Variants in CD86 observed in about 807,000 individuals in gnomAD.
The protein encoded by CD86 is T-lymphocyte activation antigen CD86.
A neutral mutation model predicts 32.1 loss-of-function variants in CD86; 11 were observed. The observed-to-expected ratio is 0.34, with a 90% CI of 0.22 to 0.57. The LOEUF is 0.57. Among genes scored for constraint, CD86 ranks in the 20% least tolerant of loss-of-function variants. The probability of loss-of-function intolerance (pLI) is 0.86; values close to 1 mark genes in which losing one functional copy is unlikely to be tolerated. For synonymous variants in CD86, 137 were observed against 135.3 expected (o/e 1.01, Z -0.09); for missense variants, 359 against 398.4 (o/e 0.90, Z 0.84).
At chr3:122,056,614 G>A (rs982628482) in intron 1 of CD86, among the ~76,000 whole-genome samples, 4 of 152,130 alleles carry the variant, frequency 2.6e-5, no homozygotes, top group African/African-American at 9.7e-5. Context: ...TTACAGGCGT[G>A]AGCCACCGCG....
rs562842278 is a variant in CD86 at position 122,065,833 on chromosome 3, G to C, written c.14+10330G>C. Among the ~76,000 whole-genome samples the C allele has an allele frequency of 2.0e-5, 3 of 152,114 alleles. No homozygotes were observed. In the East Asian group the frequency reaches 5.8e-4, roughly 29 times the overall value. The stretch of plus-strand genomic sequence containing the variant: ...TGCATTCTGCTCTCCAAGATCTCTG[G>C]GTGTTGGAAGAAACTGAATTGGGGG... On this transcript the variant is annotated intron_variant, in intron 1 of 6. Transcript: ENST00000330540.
chr3:122,104,729 T>C (rs1446898481), intron 3 of CD86, among the ~76,000 whole-genome samples: 1 of 152,208 alleles, frequency 6.6e-6, no homozygotes, highest in Admixed American at 6.5e-5. Flanking sequence ...CTTCTTTCGT[T>C]TAGCGCGCCT....
intron 1 of CD86, among the ~76,000 whole-genome samples, chr3:122,062,915 T>C (rs973805728): frequency 2.6e-5 from 4 of 152,212 alleles, no homozygotes; most frequent in African/African-American, 9.6e-5. Context: ...CCTTTTCTGA[T>C]TGATTTCCAG....
At chr3:122,118,739 A>G (rs2073295571) in intron 6 of CD86, among the ~76,000 whole-genome samples, 1 of 152,272 alleles carries the variant, frequency 6.6e-6, no homozygotes, top group South Asian at 2.1e-4. Context: ...AGCAGAGACC[A>G]TACCAGTTAA....
Position 122,119,727 on chromosome 3 carries a change from A to G in CD86, c.*193A>G. ...GCTCCGTATGCCAAGAGGAGACTTT[A>G]ATTCTCTTACTGCTTCTTTTCACTT... On this transcript the variant is annotated 3_prime_UTR_variant, in exon 7 of 7. Transcript: ENST00000330540. The G allele has an allele frequency of 1.9e-6, 1 of 538,580 alleles. No homozygotes were observed. Among genetic ancestry groups the G allele is most frequent in the Non-Finnish European group, 3.3e-6 (1 of 305,960 alleles). 33.4% of individuals were successfully genotyped at this position (538,580 alleles called of 1,614,324 possible).
At chr3:122,093,312 G>A (rs191822811) in intron 2 of CD86, among the ~76,000 whole-genome samples, 92 of 152,146 alleles carry the variant, frequency 6.0e-4, no homozygotes, top group Admixed American at 1.8e-3. Context: ...ATGAGCCATC[G>A]CACATGACTT....
intron 1 of CD86, among the ~76,000 whole-genome samples, chr3:122,090,613 A>G (rs2072800792): frequency 1.3e-5 from 2 of 148,454 alleles, no homozygotes; most frequent in Admixed American, 1.3e-4. Context: ...CATGTTGGTC[A>G]TCTTTCCTGT....
chr3:122,094,726 T>TC (rs35010283), intron 2 of CD86, among the ~76,000 whole-genome samples: 1 of 10,184 alleles, frequency 9.8e-5, no homozygotes, highest in African/African-American at 1.0e-4. Context: ...GTTTAACTTT[T>TC]CCCTCCCTAT....
chr3:122,073,540 A>C (rs555158747), intron 1 of CD86, among the ~76,000 whole-genome samples: 1 of 152,322 alleles, frequency 6.6e-6, no homozygotes, highest in East Asian at 1.9e-4. Context: ...AATACAATTT[A>C]CAGTAGCAGT....
chr3:122,110,575 A>G (rs773352764), intron 5 of CD86, among the ~76,000 whole-genome samples: 5 of 152,238 alleles, frequency 3.3e-5, no homozygotes, highest in Admixed American at 3.3e-4. Flanking sequence ...ATTAGCAGTC[A>G]TTCAATGCAT....
At chr3:122,092,579 A>G (rs2072841923) in intron 2 of CD86, among the ~76,000 whole-genome samples, 1 of 152,156 alleles carries the variant, frequency 6.6e-6, no homozygotes, top group Non-Finnish European at 1.5e-5. Flanking sequence ...TTTGAGTTTC[A>G]GTTTCTTCAT....
intron 1 of CD86, among the ~76,000 whole-genome samples, chr3:122,074,900 C>T (rs1021149446): frequency 6.6e-6 from 1 of 152,142 alleles, no homozygotes; most frequent in African/African-American, 2.4e-5. Flanking sequence ...TCACCAAACA[C>T]AAGGAACTGA....
chr3:122,120,883 C>G lies in CD86; in HGVS notation c.*1349C>G, dbSNP rs1462062842. ...GAGAAATGACTTTGAAAACCTGGCT[C>G]TAAGGTGGGATCACTAAGGGATGGG... On this transcript the variant is annotated 3_prime_UTR_variant, in exon 7 of 7. Transcript: ENST00000330540. 6.6e-6 allele frequency: 1 copy of G among 152,208 alleles called. No individual in the cohort carries two copies. The allele number at this position is 152,208 out of a possible 1,614,324, so 9.4% of individuals were successfully genotyped here.
At chr3:122,082,225 T>C (rs2072644395) in intron 1 of CD86, among the ~76,000 whole-genome samples, 1 of 152,228 alleles carries the variant, frequency 6.6e-6, no homozygotes, top group African/African-American at 2.4e-5. Context: ...TGTAGCTCTC[T>C]ATTAAAAGTT....
chr3:122,065,896 G>A (rs1294763344), intron 1 of CD86, among the ~76,000 whole-genome samples: 1 of 152,136 alleles, frequency 6.6e-6, no homozygotes, highest in Non-Finnish European at 1.5e-5. Flanking sequence ...ATACAGACAT[G>A]TAAATTTGAA....
At chr3:122,112,536 C>T (rs1463433852) in intron 5 of CD86, among the ~76,000 whole-genome samples, 1 of 152,090 alleles carries the variant, frequency 6.6e-6, no homozygotes, top group Non-Finnish European at 1.5e-5. Context: ...AGGATGGTCT[C>T]GATCTCTTGA....
intron 1 of CD86, among the ~76,000 whole-genome samples, chr3:122,075,666 A>G (rs1398958238): frequency 6.6e-6 from 1 of 152,012 alleles, no homozygotes; most frequent in Non-Finnish European, 1.5e-5. Flanking sequence ...CAGTCCAGCA[A>G]CTCTAGCTAA....
intron 1 of CD86, among the ~76,000 whole-genome samples, chr3:122,056,590 C>T (rs1314772037): frequency 6.6e-6 from 1 of 152,168 alleles, no homozygotes. Context: ...CCTCGGCCTC[C>T]CAAAGTGCTG....
chr3:122,114,713 C>T (rs1359112372), intron 5 of CD86, among the ~76,000 whole-genome samples: 3 of 152,156 alleles, frequency 2.0e-5, no homozygotes, highest in African/African-American at 7.2e-5. Context: ...ATTCAAAAAT[C>T]AGGCAATAAC....
Sources: gnomAD v4.1 joint callset for allele counts (sites outside exome capture counted in the v4.1 genomes callset) on GRCh38, gnomAD v4.1.1 for gene constraint, MANE v1.5 for transcripts, NCBI Gene and HGNC (gene_info 2026-07-23, HGNC 2026-07-21) for gene names.